KAZN: variants seen among roughly 807,000 people sequenced by gnomAD.
The protein encoded by KAZN is kazrin.
A neutral mutation model predicts 87.4 loss-of-function variants in KAZN; 40 were observed. The observed-to-expected ratio is 0.46, with a 90% CI of 0.36 to 0.60. The LOEUF (loss-of-function observed/expected upper bound fraction) is 0.60. Among genes scored for constraint, KAZN ranks in the 20% least tolerant of loss-of-function variants. The pLI, the probability that KAZN is intolerant of heterozygous loss-of-function variation, is 0.00. For missense variants in KAZN, 898 were observed against 1,073.9 expected (o/e 0.84, Z 2.29); for synonymous variants, 466 against 458.3 (o/e 1.02, Z -0.22).
chr1:14,819,215 A>C (rs900025112), intron 1 of KAZN, among the ~76,000 whole-genome samples: 1 of 152,176 alleles, frequency 6.6e-6, no homozygotes, highest in East Asian at 1.9e-4. Flanking sequence ...AATTTACCTT[A>C]AATCATTAAG....
intron 1 of KAZN, among the ~76,000 whole-genome samples, chr1:14,038,548 T>C (rs933864159): frequency 2.6e-5 from 4 of 152,122 alleles, no homozygotes; most frequent in Non-Finnish European, 5.9e-5. Context: ...TCAATATACC[T>C]TTCACTGTAG....
At chr1:14,899,794 G>T (rs1655656281) in intron 1 of KAZN, among the ~76,000 whole-genome samples, 1 of 152,056 alleles carries the variant, frequency 6.6e-6, no homozygotes, top group South Asian at 2.1e-4. Flanking sequence ...CGCTCCCTCG[G>T]GGGATGTGAG....
At chr1:15,055,491 A>T (rs147308157) in intron 4 of KAZN, among the ~76,000 whole-genome samples, 4 of 151,868 alleles carry the variant, frequency 2.6e-5, no homozygotes, top group African/African-American at 9.7e-5. Context: ...AAAAAAAAGG[A>T]GTGTTCTTGG....
At chr1:15,080,593 G>A (rs548022136) in intron 8 of KAZN, among the ~76,000 whole-genome samples, 1 of 152,356 alleles carries the variant, frequency 6.6e-6, no homozygotes, top group Admixed American at 6.5e-5. Context: ...TTGTGACTGA[G>A]GGATCAGCAA....
chr1:14,726,082 T>C (rs1643368027), intron 1 of KAZN, among the ~76,000 whole-genome samples: 1 of 151,958 alleles, frequency 6.6e-6, no homozygotes, highest in South Asian at 2.1e-4. Context: ...TGGGGAGGAG[T>C]CCTGATGCCA....
intron 8 of KAZN, among the ~76,000 whole-genome samples, chr1:15,090,222 G>A (rs1035196775): frequency 2.6e-5 from 4 of 152,224 alleles, no homozygotes; most frequent in Admixed American, 2.6e-4. Context: ...GATGACAGGG[G>A]CCGTGTCTTG....
intron 2 of KAZN, among the ~76,000 whole-genome samples, chr1:14,248,974 G>A (rs1649765459): frequency 6.6e-6 from 1 of 152,220 alleles, no homozygotes; most frequent in African/African-American, 2.4e-5. Context: ...TAGGTGCTCT[G>A]TTTGGAAATC....
At chr1:14,653,452 A>C (rs1273042551) in intron 1 of KAZN, among the ~76,000 whole-genome samples, 2 of 152,218 alleles carry the variant, frequency 1.3e-5, no homozygotes, top group Non-Finnish European at 2.9e-5. Flanking sequence ...ACCCAGCCCC[A>C]GTCAGCTGGC....
intron 1 of KAZN, among the ~76,000 whole-genome samples, chr1:13,908,693 T>A (rs966384157): frequency 6.6e-6 from 1 of 152,210 alleles, no homozygotes; most frequent in Non-Finnish European, 1.5e-5. Flanking sequence ...CATTATCTTG[T>A]CCCTTGGTAA....
Position 15,094,320 on chromosome 1 carries a change from C to A in KAZN, c.1363C>A (p.Leu455Met), listed in dbSNP as rs1640702424. The change falls in exon 9 of 15, where the codon CTG becomes ATG. Residue 455 changes from leucine (L) to methionine (M), a missense_variant. This residue lies in a region of KAZN where 521 missense variants were observed against 689.4 expected (regional missense o/e 0.76). Coordinates refer to ENST00000376030, the MANE Select transcript of KAZN (RefSeq NM_201628.3). This position sits in a 1 kb window ranked among gnomAD's most constrained non-coding sequence, Gnocchi z 4.5. ...HWKAGTVQAW[L>M]EVVMAMPMYV... ...GAAGGCGGGCACCGTCCAGGCCTGG[C>A]TGGAGGTGGTGATGGCCATGCCTAT... 1.9e-6 allele frequency: 3 copies of A among 1,613,918 alleles called. No individual in the cohort carries two copies. The highest frequency in any genetic ancestry group is 2.5e-6 in the Non-Finnish European group (3 of 1,179,854).
chr1:14,460,451 T>C (rs1353979825), intron 2 of KAZN, among the ~76,000 whole-genome samples: 5 of 152,214 alleles, frequency 3.3e-5, no homozygotes, highest in Admixed American at 6.5e-5. Context: ...CCTGGGGATG[T>C]TGGCTTCTCT....
chr1:13,978,713 T>C (rs1638504611), intron 1 of KAZN, among the ~76,000 whole-genome samples: 1 of 151,458 alleles, frequency 6.6e-6, no homozygotes, highest in Non-Finnish European at 1.5e-5. Flanking sequence ...AGTGGGAAAA[T>C]GTTGAAAAGA....
chr1:14,104,348 G>A (rs1461867751), intron 1 of KAZN, among the ~76,000 whole-genome samples: 2 of 152,194 alleles, frequency 1.3e-5, no homozygotes, highest in African/African-American at 4.8e-5. Context: ...TAGCCAAGCG[G>A]TTATCCACTC....
Position 14,598,951 on chromosome 1 carries a change from A to G in KAZN, c.-47A>G. On this transcript the variant is annotated 5_prime_UTR_variant, in exon 1 of 15. An upstream start codon of the reference 5' UTR is lost. Transcript: ENST00000376030. This position sits in a 1 kb window ranked among gnomAD's most constrained non-coding sequence, Gnocchi z 4.2. ...CCCGGCCGCGCGCCCCCCGCGCATC[A>G]TGCAGCTCTTTGTCACCTCTCTCGC... 1 of 1,559,370 alleles carries G rather than the reference A, an allele frequency of 6.4e-7. No homozygotes were observed.
intron 1 of KAZN, among the ~76,000 whole-genome samples, chr1:14,657,448 G>T (rs1253157884): frequency 1.3e-5 from 2 of 152,176 alleles, no homozygotes. Context: ...TCAGGGGTAA[G>T]CTCCAAGAAT....
At chr1:14,721,649 T>C (rs1034733514) in intron 1 of KAZN, among the ~76,000 whole-genome samples, 7 of 152,218 alleles carry the variant, frequency 4.6e-5, no homozygotes, top group African/African-American at 1.7e-4. Flanking sequence ...TTGAAAGGTA[T>C]CTTGGTGATG....
chr1:14,702,468 C>G (rs944923186), intron 1 of KAZN, among the ~76,000 whole-genome samples: 1 of 151,898 alleles, frequency 6.6e-6, no homozygotes, highest in Non-Finnish European at 1.5e-5. Context: ...GCCAAGATCC[C>G]CTCCACCACC....
chr1:15,072,172 T>A (rs184947084), intron 8 of KAZN, among the ~76,000 whole-genome samples: 7 of 152,312 alleles, frequency 4.6e-5, no homozygotes, highest in African/African-American at 1.4e-4. Flanking sequence ...CCCCTCCTCG[T>A]AGGTTCAGAA....
chr1:14,392,316 C>G (rs995132753), intron 2 of KAZN, among the ~76,000 whole-genome samples: 46 of 152,234 alleles, frequency 3.0e-4, no homozygotes, highest in African/African-American at 1.1e-3. Flanking sequence ...CTAGTAATGA[C>G]TCAGCCTTCT....
Sources: gnomAD v4.1 joint callset for allele counts (sites outside exome capture counted in the v4.1 genomes callset) on GRCh38, gnomAD v4.1.1 for gene constraint, gnomAD v4.1.1 regional missense constraint, Gnocchi (gnomAD v3.1) non-coding constraint, MANE v1.5 for transcripts, NCBI Gene and HGNC (gene_info 2026-07-23, HGNC 2026-07-21) for gene names.